The following PAMR1 variants were observed in gnomAD, a reference collection of about 807,000 sequenced individuals.
PAMR1 encodes peptidase domain containing associated with muscle regeneration 1.
Under a neutral mutation model 81.8 loss-of-function variants are expected in PAMR1, and 88 were observed. The ratio of observed to expected loss-of-function variants is 1.08; its 90% CI spans 0.91 to 1.28. The LOEUF (loss-of-function observed/expected upper bound fraction) is 1.28, where lower values mean the gene tolerates loss of function less well. PAMR1 is among the 50% of genes most tolerant of loss of function. PAMR1 has a pLI of 0.00. For missense variants in PAMR1, 935 were observed against 919.7 expected, an observed-to-expected ratio of 1.02 and a Z score of -0.21; for synonymous variants, 336 against 345.3, an observed-to-expected ratio of 0.97 and a Z score of 0.30.
In PAMR1 at chr11:35,432,173, G is replaced by A; in HGVS notation, c.*183C>T. On this transcript the variant is annotated 3_prime_UTR_variant, in exon 11 of 11. Coordinates refer to ENST00000619888, the MANE Select transcript of PAMR1 (RefSeq NM_001001991.3). ...AATTGGCTGTCCTAGTAGTGGACGC[G>A]GCATCAGCCTACCAGCAATGGAGGT... 2 of 607,760 alleles carry A rather than the reference G, an allele frequency of 3.3e-6. No homozygotes were observed. The highest frequency in any genetic ancestry group is 5.8e-6 in the Non-Finnish European group (2 of 344,158). The allele number at this position is 607,760 out of a possible 1,614,324, so 37.6% of individuals were successfully genotyped here. A position where few individuals can be genotyped will look rare whatever the true frequency, so the allele number is the denominator to read the frequency against.
intron 1 of PAMR1, among the ~76,000 whole-genome samples, chr11:35,502,559 C>T (rs1370782042): frequency 6.6e-6 from 1 of 152,112 alleles, no homozygotes; most frequent in African/African-American, 2.4e-5. Context: ...TGGCTTCTGG[C>T]TTCATCCATG....
intron 6 of PAMR1, among the ~76,000 whole-genome samples, chr11:35,443,475 C>G (rs1856223667): frequency 6.6e-6 from 1 of 152,136 alleles, no homozygotes; most frequent in Non-Finnish European, 1.5e-5. Context: ...TTTTCTGTTC[C>G]TGCATTAATC....
chr11:35,479,408 G>T (rs12420172), intron 3 of PAMR1, among the ~76,000 whole-genome samples: 3 of 152,106 alleles, frequency 2.0e-5, no homozygotes, highest in African/African-American at 7.2e-5. Flanking sequence ...TTTCTCACTT[G>T]TCTTAGGGAT....
In PAMR1 at chr11:35,492,049, G is replaced by A. The variant is rs779606816; in HGVS notation, c.375C>T (p.Cys125=). Residue 125 remains cysteine, a synonymous_variant, in exon 3 of 11, where the codon TGC becomes TGT. Transcript: ENST00000619888. ...ECRAGWYGGD[C]MRCGQVLRAP... is the part of the protein sequence containing the mutation. ...GCTAGGTCAAGGTCTACTTACGCAT[G>A]CAGTCTCCTCCGTACCAGCCTGCTC... 3 of 1,611,558 alleles carry A rather than the reference G, an allele frequency of 1.9e-6. No individual in the cohort carries two copies. The highest frequency in any genetic ancestry group is 2.2e-5 in the South Asian group (2 of 90,666).
In PAMR1 at chr11:35,505,043, T is replaced by C. The variant is rs111942587; in HGVS notation, c.74-10771A>G. On this transcript the variant is annotated intron_variant, in intron 1 of 10. Coordinates refer to ENST00000619888, the MANE Select transcript of PAMR1 (RefSeq NM_001001991.3). ...TTGCTGTACCCCATAGATTTTGGTA[T>C]GTTGTATTTCCATTTTGATTTGTTT... Among the ~76,000 whole-genome samples the C allele has an allele frequency of 3.3e-3, 509 of 152,230 alleles. 4 individuals are homozygous for C. The highest frequency in any genetic ancestry group is 0.012 in the African/African-American group (484 of 41,568).
intron 3 of PAMR1, among the ~76,000 whole-genome samples, chr11:35,485,459 G>A (rs2135393308): frequency 6.6e-6 from 1 of 152,238 alleles, no homozygotes; most frequent in South Asian, 2.1e-4. Flanking sequence ...AGTGCCAGTA[G>A]CTCTTAGTCT....
At chr11:35,500,161 C>G (rs551586488) in intron 1 of PAMR1, among the ~76,000 whole-genome samples, 1 of 152,096 alleles carries the variant, frequency 6.6e-6, no homozygotes, top group African/African-American at 2.4e-5. Context: ...CTGACCTTCA[C>G]GGCTGGAAGG....
rs368802780 is a variant in PAMR1, at chr11:35,432,667, G to A, written c.1852C>T (p.Arg618Cys). The A allele has an allele frequency of 2.7e-5, 44 of 1,613,424 alleles. No homozygotes were observed. The highest frequency in any genetic ancestry group is 8.9e-5 in the East Asian group (4 of 44,848). ...TCCACCACACTGACCACCCCAGAGC[G>A]CAGTGTGTCGTTCTTGAAGCCAGGG... The part of the protein sequence containing the change: ...RSPGFKNDTL[R>C]SGVVSVVDSL... The change falls in exon 11 of 11, where the codon CGC (arginine) becomes TGC (cysteine). Residue 618 changes from arginine (R) to cysteine (C), a missense_variant. Physicochemically the swap from Arg to Cys is radical, Grantham distance 180. Coordinates refer to ENST00000619888, the MANE Select transcript of PAMR1 (RefSeq NM_001001991.3).
Position 35,449,775 on chromosome 11 carries a change from C to T in PAMR1, c.821-8082G>A, listed in dbSNP as rs4756233. Among the ~76,000 whole-genome samples, 269 of 152,276 alleles carry T rather than the reference C, an allele frequency of 1.8e-3. 5 individuals carry two copies. The highest frequency in any genetic ancestry group is 9.9e-4 in the Non-Finnish European group (67 of 68,020). Reference sequence around the variant, plus strand: ...CTCCTCATCTGTGGGTTGCACAGATCCATGGCAAAATTGTGGTTTCCCTGG... The same window carrying T: ...CTCCTCATCTGTGGGTTGCACAGATTCATGGCAAAATTGTGGTTTCCCTGG... On this transcript the variant is annotated intron_variant, in intron 6 of 10. Coordinates refer to ENST00000619888, the MANE Select transcript of PAMR1 (RefSeq NM_001001991.3).
chr11:35,458,540 G>A (rs1005502411), intron 6 of PAMR1, among the ~76,000 whole-genome samples: 8 of 152,154 alleles, frequency 5.3e-5, no homozygotes, highest in African/African-American at 1.9e-4. Flanking sequence ...TCTGATATGA[G>A]CTGGGTTTTG....
intron 3 of PAMR1, among the ~76,000 whole-genome samples, chr11:35,486,926 C>T (rs1850521039): frequency 6.6e-6 from 1 of 152,166 alleles, no homozygotes; most frequent in South Asian, 2.1e-4. Context: ...TTCCCTACTT[C>T]ACTCATTGGG....
intron 6 of PAMR1, chr11:35,451,783 G>C: frequency 1.8e-6 from 1 of 569,770 alleles, no homozygotes; most frequent in Admixed American, 3.3e-5. Context: ...GAGCCCTCAT[G>C]AACGAGATTA....
chr11:35,517,213 T>C (rs1396879066), intron 1 of PAMR1, among the ~76,000 whole-genome samples: 2 of 152,158 alleles, frequency 1.3e-5, no homozygotes, highest in Non-Finnish European at 2.9e-5. Context: ...ATACAGGAAA[T>C]GAGTTTTCTC....
intron 3 of PAMR1, among the ~76,000 whole-genome samples, chr11:35,481,159 C>A (rs902503591): frequency 2.6e-5 from 4 of 152,150 alleles, no homozygotes; most frequent in African/African-American, 4.8e-5. Context: ...AGTGCTGTAA[C>A]AAACATACAT....
At chr11:35,450,159 A>AAAAAAC (rs1856383715) in intron 6 of PAMR1, among the ~76,000 whole-genome samples, 1 of 137,202 alleles carries the variant, frequency 7.3e-6, no homozygotes, top group Non-Finnish European at 1.6e-5. Flanking sequence ...AAAAAAAAAA[A>AAAAAAC]TCTCTATTCA....
intron 1 of PAMR1, among the ~76,000 whole-genome samples, chr11:35,498,263 G>A (rs931058380): frequency 1.3e-5 from 2 of 152,134 alleles, no homozygotes; most frequent in Non-Finnish European, 2.9e-5. Flanking sequence ...AGTCGAGGAG[G>A]GAGAGTGAGA....
chr11:35,432,635 C>A lies in PAMR1; in HGVS notation c.1884G>T (p.Leu628=). 1.2e-6 allele frequency: 2 copies of A among 1,614,076 alleles called. No homozygotes were observed. Among genetic ancestry groups the A allele is most frequent in the Non-Finnish European group, 1.7e-6 (2 of 1,179,946 alleles). The part of the protein sequence containing the change: ...RSGVVSVVDS[L]LCEEQHEDHG... ...GGTCCTCATGCTGCTCCTCACACAG[C>A]AGCGAGTCCACCACACTGACCACCC... The change falls in exon 11 of 11, where the codon CTG becomes CTT. Residue 628 remains leucine (L), a synonymous_variant. Transcript: ENST00000619888.
chr11:35,486,482 T>C (rs1850510280), intron 3 of PAMR1, among the ~76,000 whole-genome samples: 2 of 152,246 alleles, frequency 1.3e-5, no homozygotes, highest in Admixed American at 1.3e-4. Context: ...AAATATCTTT[T>C]GACTGGATGG....
chr11:35,511,337 T>C (rs1851068999), intron 1 of PAMR1, among the ~76,000 whole-genome samples: 1 of 152,222 alleles, frequency 6.6e-6, no homozygotes, highest in African/African-American at 2.4e-5. Flanking sequence ...TGCAATGTCT[T>C]CAACATTATA....
Sources: gnomAD v4.1 joint callset for allele counts (sites outside exome capture counted in the v4.1 genomes callset) on GRCh38, gnomAD v4.1.1 for gene constraint, MANE v1.5 for transcripts, NCBI Gene and HGNC (gene_info 2026-07-23, HGNC 2026-07-21) for gene names.